The following PDE8B variants were observed in gnomAD, a reference collection of about 807,000 sequenced individuals.
PDE8B encodes high affinity cAMP-specific and IBMX-insensitive 3',5'-cyclic phosphodiesterase 8B.
Under a neutral mutation model 101.3 loss-of-function variants are expected in PDE8B, and 26 were observed. The observed-to-expected ratio is 0.26, with a 90% CI of 0.19 to 0.36. The LOEUF is 0.36. PDE8B is among the 10% of genes least tolerant of loss of function. The pLI is 1.00. For synonymous variants in PDE8B, 424 were observed against 429.3 expected (o/e 0.99, Z 0.15); for missense variants, 810 against 1,163.1 (o/e 0.70, Z 4.42).
At chr5:77,204,859 TG>T in the PDE8B span, among the ~76,000 whole-genome samples, 1 of 152,248 alleles carries the variant, frequency 6.6e-6, no homozygotes, top group Non-Finnish European at 1.5e-5. Context: ...TATTTTCATG[TG>T]TAAGTCCTGT....
At chr5:77,145,440 G>C in the PDE8B span, 1 of 152,168 alleles carries the variant, frequency 6.6e-6, no homozygotes, top group Non-Finnish European at 1.5e-5. Flanking sequence ...ATAAGTCCTG[G>C]CCTAGAGAAA....
At chr5:77,237,617 C>T (rs1754961720) in intron 1 of PDE8B, among the ~76,000 whole-genome samples, 1 of 152,128 alleles carries the variant, frequency 6.6e-6, no homozygotes, top group South Asian at 2.1e-4. Context: ...TTTCAACTGT[C>T]AAACATACTT....
the PDE8B span, among the ~76,000 whole-genome samples, chr5:77,179,822 A>G: frequency 1.3e-5 from 2 of 152,092 alleles, no homozygotes; most frequent in South Asian, 4.2e-4. Flanking sequence ...TGGCCTCTCA[A>G]AGTGTCAGGA....
chr5:77,256,082 G>A (rs1341254407), intron 1 of PDE8B, among the ~76,000 whole-genome samples: 2 of 152,080 alleles, frequency 1.3e-5, no homozygotes, highest in Non-Finnish European at 2.9e-5. Flanking sequence ...TTATCTCATG[G>A]GAAACTGGAA....
intron 2 of PDE8B, among the ~76,000 whole-genome samples, chr5:77,321,499 GTC>G (rs1775067558): frequency 1.3e-5 from 2 of 152,192 alleles, no homozygotes; most frequent in South Asian, 4.2e-4. Context: ...TAGCCTTTAT[GTC>G]TCTCTGTTCA....
Position 77,401,788 on chromosome 5 carries a change from C to T in PDE8B, c.1210+1498C>T, listed in dbSNP as rs1040995785. On this transcript the variant is annotated intron_variant, in intron 11 of 21. Coordinates refer to ENST00000264917, the MANE Select transcript of PDE8B (RefSeq NM_003719.5). Reference sequence around the variant, plus strand: ...ATGTAAACATCTGTTGAAAGAATGACAATGAATTCTTTAATTATGTGGCCT... The same window carrying T: ...ATGTAAACATCTGTTGAAAGAATGATAATGAATTCTTTAATTATGTGGCCT... Among the ~76,000 whole-genome samples the T allele has an allele frequency of 1.3e-5, 2 of 152,032 alleles. 1 individual carries two copies. Among genetic ancestry groups the T allele is most frequent in the Admixed American group, 1.3e-4 (2 of 15,266 alleles).
the PDE8B span, among the ~76,000 whole-genome samples, chr5:77,116,085 A>C: frequency 6.6e-6 from 1 of 151,984 alleles, no homozygotes; most frequent in East Asian, 1.9e-4. Context: ...AGCAATGACG[A>C]ACTTGTTCCC....
Position 77,345,020 on chromosome 5 carries a change from C to T in PDE8B, c.876+89C>T. On this transcript the variant is annotated intron_variant, in intron 7 of 21. Transcript: ENST00000264917. ...TTTTTATCAAGTACTTTCCCATCAT[C>T]CTCATGTATCAGCACATTTTCTTAG... 3.6e-6 allele frequency: 3 copies of T among 827,664 alleles called. No homozygotes were observed. The South Asian group carries it at 4.0e-5, about 11-fold the overall frequency. 51.3% of individuals were successfully genotyped at this position (827,664 alleles called of 1,614,324 possible).
At chr5:77,411,925 C>T (rs1166110822) in intron 15 of PDE8B, among the ~76,000 whole-genome samples, 175 bp from the exon 16 acceptor site, 1 of 152,216 alleles carries the variant, frequency 6.6e-6, no homozygotes, top group East Asian at 1.9e-4. Context: ...AATCTCTATA[C>T]ATTTAAACAG....
chr5:77,292,744 A>G (rs10474493), intron 1 of PDE8B, among the ~76,000 whole-genome samples: 41,818 of 151,996 alleles, frequency 0.28, 6,306 homozygotes, highest in East Asian at 0.46. Context: ...CTTAGTAGAG[A>G]TTCAAAAAAC....
At chr5:77,117,292 T>C in the PDE8B span, among the ~76,000 whole-genome samples, 2 of 151,038 alleles carry the variant, frequency 1.3e-5, no homozygotes, top group Non-Finnish European at 2.9e-5. Flanking sequence ...ATGTTTCTGT[T>C]ATATATATGC....
chr5:77,236,957 T>C (rs932995292), intron 1 of PDE8B, among the ~76,000 whole-genome samples: 2 of 152,214 alleles, frequency 1.3e-5, no homozygotes, highest in Admixed American at 6.5e-5. Flanking sequence ...ATTTTGAAGC[T>C]CCGTTGTTTG....
chr5:77,249,273 G>A lies in PDE8B; in HGVS notation c.339+38009G>A, dbSNP rs185053864. ...GAAAAGCAGCATTTAACTATTTTCTGTTTACAAAAGTCACACCACAAACAC... is the reference window on the plus strand; with the variant it reads ...GAAAAGCAGCATTTAACTATTTTCTATTTACAAAAGTCACACCACAAACAC... On this transcript the variant is annotated intron_variant, in intron 1 of 21. Transcript: ENST00000264917. 3.3e-5 allele frequency among the ~76,000 whole-genome samples: 5 copies of A among 152,280 alleles called. No homozygotes were observed. In the East Asian group the frequency reaches 9.6e-4, roughly 29 times the overall value.
chr5:77,195,778 G>T, the PDE8B span, among the ~76,000 whole-genome samples: 1 of 152,032 alleles, frequency 6.6e-6, no homozygotes, highest in Non-Finnish European at 1.5e-5. Flanking sequence ...CATAAGGGAG[G>T]GAAAATATAT....
chr5:77,191,281 A>G, the PDE8B span, among the ~76,000 whole-genome samples: 1 of 152,252 alleles, frequency 6.6e-6, no homozygotes, highest in African/African-American at 2.4e-5. Context: ...ACTTCAGTCC[A>G]TAACATGAGG....
intron 7 of PDE8B, among the ~76,000 whole-genome samples, chr5:77,349,170 C>T (rs979762452): frequency 2.0e-5 from 3 of 152,172 alleles, no homozygotes; most frequent in South Asian, 2.1e-4. Flanking sequence ...TGATATCCTA[C>T]AGGGGATCAG....
At chr5:77,393,385 A>G (rs1487299765) in intron 10 of PDE8B, among the ~76,000 whole-genome samples, 1 of 109,500 alleles carries the variant, frequency 9.1e-6, no homozygotes, top group Non-Finnish European at 1.8e-5. Flanking sequence ...ACAGAGTGAG[A>G]CTGTCTCCAA....
chr5:77,367,808 C>T (rs997002208), intron 10 of PDE8B, among the ~76,000 whole-genome samples: 1 of 152,292 alleles, frequency 6.6e-6, no homozygotes, highest in Non-Finnish European at 1.5e-5. Context: ...AGATTACAGG[C>T]GTGAGCCACC....
intron 10 of PDE8B, among the ~76,000 whole-genome samples, chr5:77,389,792 T>C (rs1027223072): frequency 1.3e-5 from 2 of 152,186 alleles, no homozygotes; most frequent in African/African-American, 4.8e-5. Flanking sequence ...TTTTTCCTTT[T>C]TATTACTGAA....
Sources: gnomAD v4.1 joint callset for allele counts (sites outside exome capture counted in the v4.1 genomes callset) on GRCh38, gnomAD v4.1.1 for gene constraint, MANE v1.5 for transcripts, NCBI Gene and HGNC (gene_info 2026-07-23, HGNC 2026-07-21) for gene names.